TAFA5: variants seen among roughly 807,000 people sequenced by gnomAD.
TAFA5 encodes chemokine-like protein TAFA-5.
In TAFA5, 6 loss-of-function variants were observed where a neutral mutation model predicts 15.3. The observed-to-expected ratio is 0.39, with a 90% CI of 0.21 to 0.77. The LOEUF is 0.77. TAFA5 is among the 30% of genes least tolerant of loss of function. The pLI is 0.41. For synonymous variants in TAFA5, 103 were observed against 80.7 expected (o/e 1.28, Z -1.48); for missense variants, 161 against 193.1 (o/e 0.83, Z 0.98).
At chr22:48,698,333 G>A (rs1453161613) in intron 2 of TAFA5, among the ~76,000 whole-genome samples, 4 of 151,768 alleles carry the variant, frequency 2.6e-5, no homozygotes, top group Non-Finnish European at 4.4e-5. Flanking sequence ...AAAATTAGCT[G>A]GGTGTGGTGG....
chr22:48,624,539 G>A (rs933558046), intron 1 of TAFA5, among the ~76,000 whole-genome samples: 3 of 152,318 alleles, frequency 2.0e-5, no homozygotes, highest in Middle Eastern at 3.4e-3. Flanking sequence ...AGTGTGGACT[G>A]ATAGATGCGT....
intron 2 of TAFA5, among the ~76,000 whole-genome samples, chr22:48,687,231 G>A (rs768812142): frequency 6.6e-6 from 1 of 150,896 alleles, no homozygotes; most frequent in Non-Finnish European, 1.5e-5. Flanking sequence ...TGGATTGAGT[G>A]GATAGATAGA....
chr22:48,571,611 TA>T (rs908567780), intron 1 of TAFA5, among the ~76,000 whole-genome samples: 23 of 135,256 alleles, frequency 1.7e-4, no homozygotes, highest in East Asian at 1.7e-3. Flanking sequence ...TTTTTTGCTT[TA>T]AAAAAAAATT....
chr22:48,721,417 G>A (rs1929566787), intron 3 of TAFA5, among the ~76,000 whole-genome samples: 1 of 152,224 alleles, frequency 6.6e-6, no homozygotes, highest in Admixed American at 6.5e-5. Context: ...TGTGATCTCA[G>A]GTCCTCACCA....
intron 1 of TAFA5, among the ~76,000 whole-genome samples, chr22:48,553,494 T>G (rs1318908003): frequency 6.6e-6 from 1 of 152,090 alleles, no homozygotes; most frequent in Non-Finnish European, 1.5e-5. Context: ...GATGGGGTCA[T>G]GGGGAGACCT....
intron 1 of TAFA5, among the ~76,000 whole-genome samples, chr22:48,625,212 T>C (rs772369365): frequency 6.6e-6 from 1 of 152,096 alleles, no homozygotes; most frequent in Non-Finnish European, 1.5e-5. Flanking sequence ...TTCTCAGCCT[T>C]CTTGGCCGAC....
intron 1 of TAFA5, among the ~76,000 whole-genome samples, chr22:48,520,376 C>T (rs1305859169): frequency 2.0e-5 from 3 of 152,246 alleles, no homozygotes; most frequent in Non-Finnish European, 4.4e-5. Context: ...TTCCATCCTT[C>T]TGTCCATTCC....
chr22:48,541,082 C>T (rs533595790), intron 1 of TAFA5, among the ~76,000 whole-genome samples: 1 of 152,146 alleles, frequency 6.6e-6, no homozygotes, highest in East Asian at 1.9e-4. Context: ...GGGAGTGAAG[C>T]CCCAGGAAGT....
intron 1 of TAFA5, among the ~76,000 whole-genome samples, chr22:48,526,806 T>C (rs937380642): frequency 6.6e-6 from 1 of 152,262 alleles, no homozygotes; most frequent in African/African-American, 2.4e-5. Flanking sequence ...AAAAATATGC[T>C]GTCAAAATAT....
At chr22:48,682,590 T>C (rs191775492) in intron 2 of TAFA5, among the ~76,000 whole-genome samples, 4 of 152,226 alleles carry the variant, frequency 2.6e-5, no homozygotes, top group East Asian at 1.9e-4. Flanking sequence ...GTCATTTGCA[T>C]ATAACCCAGA....
At chr22:48,616,109 CCTGGGG>C (rs1452585721) in intron 1 of TAFA5, among the ~76,000 whole-genome samples, 1 of 151,998 alleles carries the variant, frequency 6.6e-6, no homozygotes, top group Non-Finnish European at 1.5e-5. Flanking sequence ...TGGAGCTGGG[CCTGGGG>C]CTGGGGATCA....
At chr22:48,698,337 G>A (rs573298068) in intron 2 of TAFA5, among the ~76,000 whole-genome samples, 21 of 151,490 alleles carry the variant, frequency 1.4e-4, no homozygotes, top group Non-Finnish European at 2.1e-4. Flanking sequence ...TTAGCTGGGT[G>A]TGGTGGTGCA....
intron 1 of TAFA5, among the ~76,000 whole-genome samples, chr22:48,583,828 CATATAT>C (rs1455216606): frequency 6.7e-6 from 1 of 148,238 alleles, no homozygotes. Flanking sequence ...AAATACACTA[CATATAT>C]ACACACGCCA....
rs576386825 is a variant in TAFA5 at position 48,593,022 on chromosome 22, G to A, written c.113-53575G>A. ...CAGAGCTAGCTGAGTGGGGCGGGGG[G>A]GTCTGTAGGAGGGAGGCGTCCCTGC... On this transcript the variant is annotated intron_variant, in intron 1 of 3. Coordinates refer to ENST00000402357, the MANE Select transcript of TAFA5 (RefSeq NM_001082967.3). 2.6e-5 allele frequency among the ~76,000 whole-genome samples: 4 copies of A among 152,242 alleles called. No individual in the cohort carries two copies. In the East Asian group the frequency reaches 5.8e-4, roughly 22 times the overall value.
chr22:48,596,268 C>A (rs1004730002), intron 1 of TAFA5, among the ~76,000 whole-genome samples: 1 of 152,188 alleles, frequency 6.6e-6, no homozygotes, highest in Non-Finnish European at 1.5e-5. Context: ...CAGGACTGAG[C>A]GTTGGTTTCT....
At chr22:48,585,270 C>T (rs891461397) in intron 1 of TAFA5, among the ~76,000 whole-genome samples, 6 of 150,944 alleles carry the variant, frequency 4.0e-5, no homozygotes, top group African/African-American at 1.5e-4. Flanking sequence ...TAATATACCA[C>T]CTAACCACAC....
chr22:48,563,665 T>A (rs890514605), intron 1 of TAFA5, among the ~76,000 whole-genome samples: 4 of 152,198 alleles, frequency 2.6e-5, no homozygotes, highest in Non-Finnish European at 5.9e-5. Context: ...GGCTGGGGCA[T>A]GGCCTCCTCC....
intron 3 of TAFA5, among the ~76,000 whole-genome samples, chr22:48,709,780 G>C (rs920416505): frequency 4.6e-5 from 7 of 152,248 alleles, no homozygotes; most frequent in Non-Finnish European, 8.8e-5. Context: ...CCCTGTGAGA[G>C]CTGGCGGTGG....
chr22:48,556,942 G>C (rs1433686069), intron 1 of TAFA5, among the ~76,000 whole-genome samples: 2 of 152,194 alleles, frequency 1.3e-5, no homozygotes, highest in African/African-American at 4.8e-5. Flanking sequence ...CCGCCTGCTT[G>C]GTCCTGGGAG....
Sources: allele counts gnomAD v4.1 joint callset (sites outside exome capture counted in the v4.1 genomes callset), GRCh38; gene constraint gnomAD v4.1.1; transcripts MANE v1.5; gene names NCBI Gene and HGNC (gene_info 2026-07-23, HGNC 2026-07-21).